SLC24A2: variants seen among roughly 807,000 people sequenced by gnomAD.
SLC24A2 encodes solute carrier family 24 member 2.
A neutral mutation model predicts 62.0 loss-of-function variants in SLC24A2; 36 were observed. That is an observed-to-expected ratio of 0.58 (90% CI 0.44 to 0.77). The LOEUF is 0.77. SLC24A2 is among the 30% of genes least tolerant of loss of function. SLC24A2 has a pLI of 0.00. For synonymous variants in SLC24A2, 358 were observed against 294.0 expected, an observed-to-expected ratio of 1.22 and a Z score of -2.23; for missense variants, 846 against 817.9, an observed-to-expected ratio of 1.03 and a Z score of -0.42.
Position 19,513,180 on chromosome 9 carries a change from A to G in SLC24A2, c.*2973T>C, listed in dbSNP as rs951280362. 7 of 134,980 alleles carry G rather than the reference A, an allele frequency of 5.2e-5. No homozygotes were observed. Among genetic ancestry groups the G allele is most frequent in the Non-Finnish European group, 7.9e-5 (5 of 63,628 alleles). The allele number at this position is 134,980 out of a possible 1,614,324, so 8.4% of individuals were successfully genotyped here. On this transcript the variant is annotated 3_prime_UTR_variant, in exon 11 of 11. Coordinates refer to ENST00000341998, the MANE Select transcript of SLC24A2 (RefSeq NM_020344.4). ...TATATATATATATATATATATGTAT[A>G]TATATATATATGTATATATTTATAT... is the stretch of plus-strand genomic sequence containing the variant.
At chr9:19,531,322 T>C (rs891264927) in intron 8 of SLC24A2, among the ~76,000 whole-genome samples, 5 of 152,234 alleles carry the variant, frequency 3.3e-5, no homozygotes, top group African/African-American at 1.2e-4. Context: ...TACAGTCATT[T>C]AGTTACCAGT....
chr9:19,799,534 G>A, the SLC24A2 span, among the ~76,000 whole-genome samples: 1 of 152,118 alleles, frequency 6.6e-6, no homozygotes, highest in Non-Finnish European at 1.5e-5. Context: ...GGAATGAGGT[G>A]GAGTCATCTG....
the SLC24A2 span, among the ~76,000 whole-genome samples, chr9:20,153,335 G>A: frequency 6.6e-6 from 1 of 151,746 alleles, no homozygotes; most frequent in East Asian, 1.9e-4. Context: ...AAAATAAAAG[G>A]ACTGGAACCA....
At chr9:19,781,272 A>C (rs913549191) in intron 2 of SLC24A2, among the ~76,000 whole-genome samples, 2 of 152,230 alleles carry the variant, frequency 1.3e-5, no homozygotes. Flanking sequence ...TTCTTTGCTA[A>C]AGTTAAGATA....
chr9:20,246,439 A>G, the SLC24A2 span, among the ~76,000 whole-genome samples: 1 of 152,250 alleles, frequency 6.6e-6, no homozygotes, highest in Non-Finnish European at 1.5e-5. Flanking sequence ...ATTTTCTTAA[A>G]GCAAAGCACC....
the SLC24A2 span, among the ~76,000 whole-genome samples, chr9:20,194,895 C>T: frequency 1.2e-4 from 18 of 151,998 alleles, no homozygotes; most frequent in Non-Finnish European, 2.1e-4. Flanking sequence ...CCCATCACAA[C>T]CACTACTCCA....
At chr9:20,208,119 T>C in the SLC24A2 span, among the ~76,000 whole-genome samples, 1 of 151,984 alleles carries the variant, frequency 6.6e-6, no homozygotes. Flanking sequence ...TGATACATCA[T>C]TATCAGGGAA....
At chr9:19,712,716 T>C (rs538901461) in intron 2 of SLC24A2, among the ~76,000 whole-genome samples, 6 of 152,180 alleles carry the variant, frequency 3.9e-5, no homozygotes, top group Non-Finnish European at 8.8e-5. Context: ...GTTGTGTTTA[T>C]TTACTTTCTT....
intron 2 of SLC24A2, among the ~76,000 whole-genome samples, chr9:19,718,645 G>C (rs943355606): frequency 1.3e-5 from 2 of 151,940 alleles, no homozygotes; most frequent in Non-Finnish European, 2.9e-5. Context: ...ACGTTACTTT[G>C]ACTGACACCT....
chr9:19,815,896 G>A, the SLC24A2 span, among the ~76,000 whole-genome samples: 1 of 146,138 alleles, frequency 6.8e-6, no homozygotes, highest in African/African-American at 2.5e-5. Context: ...TGGAGTATAA[G>A]TATTAATAAT....
chr9:19,946,902 G>A, the SLC24A2 span, among the ~76,000 whole-genome samples: 2 of 152,176 alleles, frequency 1.3e-5, no homozygotes, highest in African/African-American at 4.8e-5. Context: ...GTGTGAATGT[G>A]TGGATGTCTA....
the SLC24A2 span, among the ~76,000 whole-genome samples, chr9:20,083,408 G>GA: frequency 6.6e-6 from 1 of 152,172 alleles, no homozygotes; most frequent in Admixed American, 6.5e-5. Context: ...ACAGGGACCT[G>GA]AAAAAAGGTG....
At chr9:19,661,730 G>A (rs1819107268) in intron 2 of SLC24A2, among the ~76,000 whole-genome samples, 1 of 152,106 alleles carries the variant, frequency 6.6e-6, no homozygotes, top group South Asian at 2.1e-4. Flanking sequence ...CTCAAAGGCA[G>A]CCCTTGACAA....
the SLC24A2 span, among the ~76,000 whole-genome samples, chr9:20,198,672 T>A: frequency 6.6e-6 from 1 of 150,404 alleles, no homozygotes; most frequent in East Asian, 1.9e-4. Flanking sequence ...TCTCTCTCAC[T>A]CTCTCTCTCT....
At chr9:20,264,950 C>T in the SLC24A2 span, among the ~76,000 whole-genome samples, 11 of 152,168 alleles carry the variant, frequency 7.2e-5, no homozygotes, top group Admixed American at 3.3e-4. Context: ...TAAGCCACTC[C>T]GGCAATGAGC....
At chr9:19,800,484 C>G in the SLC24A2 span, among the ~76,000 whole-genome samples, 1 of 152,148 alleles carries the variant, frequency 6.6e-6, no homozygotes, top group Non-Finnish European at 1.5e-5. Context: ...TGTCATTGTA[C>G]TTTGCAAAAA....
the SLC24A2 span, among the ~76,000 whole-genome samples, chr9:20,109,212 A>C: frequency 6.6e-6 from 1 of 152,178 alleles, no homozygotes; most frequent in Non-Finnish European, 1.5e-5. Flanking sequence ...CACATTTCTC[A>C]AAATTTATCC....
chr9:19,587,628 C>T (rs886204014), intron 5 of SLC24A2, among the ~76,000 whole-genome samples: 5 of 151,730 alleles, frequency 3.3e-5, no homozygotes, highest in African/African-American at 1.2e-4. Context: ...TTGAACATGC[C>T]AGCCTCCAAG....
At chr9:19,979,668 G>C in the SLC24A2 span, among the ~76,000 whole-genome samples, 1 of 152,104 alleles carries the variant, frequency 6.6e-6, no homozygotes, top group East Asian at 1.9e-4. Context: ...GCTGACTTTA[G>C]GATGGGCAGC....
Sources: gnomAD v4.1 joint callset for allele counts (sites outside exome capture counted in the v4.1 genomes callset) on GRCh38, gnomAD v4.1.1 for gene constraint, MANE v1.5 for transcripts, NCBI Gene and HGNC (gene_info 2026-07-23, HGNC 2026-07-21) for gene names.